The following SCAMP2 variants were observed in gnomAD, a reference collection of about 807,000 sequenced individuals.
The protein encoded by SCAMP2 is secretory carrier membrane protein 2.
SCAMP2 carries 25 observed loss-of-function variants against 44.1 expected under a neutral mutation model. The observed-to-expected ratio is 0.57, with a 90% CI of 0.41 to 0.79. The LOEUF is 0.79. SCAMP2 is among the 30% of genes least tolerant of loss of function. The pLI is 0.00. For missense variants in SCAMP2, 355 were observed against 411.0 expected (o/e 0.86, Z 1.18); for synonymous variants, 156 against 166.0 (o/e 0.94, Z 0.46).
chr15:74,845,876 G>T (rs2064396008), intron 7 of SCAMP2, among the ~76,000 whole-genome samples: 1 of 152,250 alleles, frequency 6.6e-6, no homozygotes, highest in African/African-American at 2.4e-5. Flanking sequence ...AGTAGCACCG[G>T]GCTGGGTGCT....
Position 74,873,242 on chromosome 15 carries a change from T to A in SCAMP2, c.14A>T (p.Asp5Val). 6.8e-7 allele frequency: 1 copy of A among 1,468,894 alleles called. No homozygotes were observed. The highest frequency in any genetic ancestry group is 1.5e-5 in the African/African-American group (1 of 67,160). 91.0% of individuals were successfully genotyped at this position (1,468,894 alleles called of 1,614,324 possible). ...CACTGGGTCCGCGAAGGGGTTGGTGTCGAAAGCCGACATGGTGATCGGGGG... is the reference window on the plus strand; with the variant it reads ...CACTGGGTCCGCGAAGGGGTTGGTGACGAAAGCCGACATGGTGATCGGGGG... MSAF[D>V]TNPFADPVDV... is the part of the protein sequence containing the mutation. Residue 5 changes from aspartate to valine, a missense_variant, in exon 1 of 9, where the codon GAC becomes GTC. Asp to Val is a radical substitution (Grantham distance 152). Coordinates refer to ENST00000268099, the MANE Select transcript of SCAMP2 (RefSeq NM_005697.5).
At chr15:74,869,333 T>C (rs1267898971) in intron 1 of SCAMP2, among the ~76,000 whole-genome samples, 1 of 151,204 alleles carries the variant, frequency 6.6e-6, no homozygotes, top group Non-Finnish European at 1.5e-5. Flanking sequence ...TAATAAAAAA[T>C]AAAAAAATTA....
intron 1 of SCAMP2, among the ~76,000 whole-genome samples, chr15:74,855,716 CAAAA>C (rs10609131): frequency 4.8e-5 from 4 of 84,100 alleles, no homozygotes; most frequent in Admixed American, 1.3e-4. Context: ...AACTCCATCT[CAAAA>C]AAAAAAAAAA....
Position 74,854,539 on chromosome 15 carries a change from C to T in SCAMP2, c.126+42G>A, listed in dbSNP as rs766872308. 1.6e-5 allele frequency: 24 copies of T among 1,530,864 alleles called. 2 individuals carry two copies. Among genetic ancestry groups the T allele is most frequent in the Middle Eastern group, 1.7e-4 (1 of 5,976 alleles). 94.8% of individuals were successfully genotyped at this position (1,530,864 alleles called of 1,614,324 possible). ...CTGCCCCGGACACCCCAGCACCACCCTAGAGGGCCATGGGACTTGGAAAGA... is the reference window on the plus strand; with the variant it reads ...CTGCCCCGGACACCCCAGCACCACCTTAGAGGGCCATGGGACTTGGAAAGA... On this transcript the variant is annotated intron_variant, in intron 2 of 8. Coordinates refer to ENST00000268099, the MANE Select transcript of SCAMP2 (RefSeq NM_005697.5).
intron 1 of SCAMP2, among the ~76,000 whole-genome samples, chr15:74,862,394 T>C (rs2064512893): frequency 6.7e-6 from 1 of 150,256 alleles, no homozygotes; most frequent in Non-Finnish European, 1.5e-5. Context: ...CTGGCCAACA[T>C]GGTGAAACCT....
chr15:74,854,974 GTTT>G (rs1205211475), intron 1 of SCAMP2, among the ~76,000 whole-genome samples: 1 of 138,142 alleles, frequency 7.2e-6, no homozygotes, highest in Non-Finnish European at 1.6e-5. Context: ...TAGGGAGTGG[GTTT>G]TTTTTTTTTT....
chr15:74,854,438 C>T, intron 2 of SCAMP2, 143 bp downstream of exon 2: 3 of 778,766 alleles, frequency 3.9e-6, no homozygotes, highest in South Asian at 3.0e-5. Context: ...CTTACCCTGC[C>T]TCCCGGGTTC....
intron 7 of SCAMP2, 148 bp from the exon 8 acceptor site, chr15:74,845,741 C>T: frequency 1.0e-6 from 1 of 995,816 alleles, no homozygotes. Context: ...GCCAGAAGCC[C>T]TTGGCCTGTG....
intron 6 of SCAMP2, 43 bp from the exon 7 acceptor site, chr15:74,848,744 G>A (rs1371271167): frequency 7.1e-7 from 1 of 1,403,354 alleles, no homozygotes; most frequent in Admixed American, 1.8e-5. Flanking sequence ...GGCTTGGGCT[G>A]TGTTCCTCAG....
At chr15:74,858,687 T>C (rs773604540) in intron 1 of SCAMP2, among the ~76,000 whole-genome samples, 5 of 151,742 alleles carry the variant, frequency 3.3e-5, no homozygotes, top group Non-Finnish European at 7.4e-5. Flanking sequence ...GTACGGAGCC[T>C]GACAAATTGA....
Position 74,845,491 on chromosome 15 carries a change from TGA to T in SCAMP2, c.835_836del (p.Val280LeufsTer141). 2 of 1,614,126 alleles carry T rather than the reference TGA, an allele frequency of 1.2e-6. No homozygotes were observed. The highest frequency in any genetic ancestry group is 1.7e-6 in the Non-Finnish European group (2 of 1,180,022). On this transcript the variant is annotated frameshift_variant, in exon 8 of 9. Transcript: ENST00000268099. LOFTEE classifies it high-confidence loss of function. Reference sequence around the variant, plus strand: ...CACTCACCCGCTGCAGGAGGAAGACTGAGAGCACGGCACAGAGGGTGAAGAAG... The same window carrying T: ...CACTCACCCGCTGCAGGAGGAAGACTGAGCACGGCACAGAGGGTGAAGAAG... The part of the protein sequence containing the change: ...AGFFTLCAVL[S>X]VFLLQRVHSL...
In SCAMP2 at chr15:74,850,624, G is replaced by A. The variant is rs770164367; in HGVS notation, c.522C>T (p.Phe174=). 16 of 1,614,022 alleles carry A rather than the reference G, an allele frequency of 9.9e-6. No individual in the cohort carries two copies. The South Asian group carries it at 1.5e-4, about 16-fold the overall frequency. ...FLNLLACLAW[F]SGNSSKGVDF... is the part of the protein sequence containing the mutation. ...CCACTCCCTTGGAGCTGTTGCCCGA[G>A]AACCAGGCCAGGCAGGCAAGCAGGT... Residue 174 remains phenylalanine, a synonymous_variant, in exon 6 of 9, where the codon TTC becomes TTT. Transcript: ENST00000268099.
Position 74,848,028 on chromosome 15 carries a change from C to G in SCAMP2, c.734+572G>C, listed in dbSNP as rs915706840. On this transcript the variant is annotated intron_variant, in intron 7 of 8. Transcript: ENST00000268099. ...GCCTAAAGAGTCAAGCCAAGTTCAC[C>G]CACAATACCCTGGAAAGTGGAGAGC... is the stretch of plus-strand genomic sequence containing the variant. Among the ~76,000 whole-genome samples the G allele has an allele frequency of 3.3e-5, 5 of 151,846 alleles. 1 individual carries two copies.
At position 74,854,644 on chromosome 15, in the gene SCAMP2, G is replaced by T; in HGVS notation, c.63C>A (p.Pro21=). 1 of 1,608,664 alleles carries T rather than the reference G, an allele frequency of 6.2e-7. No individual in the cohort carries two copies. The highest frequency in any genetic ancestry group is 1.7e-4 in the Middle Eastern group (1 of 6,052). The change falls in exon 2 of 9, where the codon CCC becomes CCA. Residue 21 remains proline, a synonymous_variant. Transcript: ENST00000268099. ...DPVDVNPFQD[P]SVTQLTNAPQ... is the part of the protein sequence containing the mutation. ...GGGCGTTGGTCAGCTGGGTCACAGA[G>T]GGATCCTGAGAAGGTGAAAAAAAGC...
intron 1 of SCAMP2, among the ~76,000 whole-genome samples, 184 bp from the exon 2 acceptor site, chr15:74,854,833 C>T (rs964340708): frequency 6.6e-6 from 1 of 152,126 alleles, no homozygotes; most frequent in African/African-American, 2.4e-5. Context: ...CTTCTCCCTT[C>T]CCCCTTCCTG....
intron 7 of SCAMP2, among the ~76,000 whole-genome samples, chr15:74,846,141 G>A (rs533019096): frequency 5.3e-5 from 8 of 152,266 alleles, no homozygotes; most frequent in South Asian, 2.1e-4. Context: ...AATTAGCTGC[G>A]CGTGGTTGCA....
Position 74,864,169 on chromosome 15 carries a change from C to T in SCAMP2, c.57+9030G>A, listed in dbSNP as rs148198480. On this transcript the variant is annotated intron_variant, in intron 1 of 8. Transcript: ENST00000268099. Reference sequence around the variant, plus strand: ...ATCCGCTTCCCAGGTTCAAGTGATTCTCCTGCCTCAGCCTCCTGAGTAGCT... The same window carrying T: ...ATCCGCTTCCCAGGTTCAAGTGATTTTCCTGCCTCAGCCTCCTGAGTAGCT... 1.6e-3 allele frequency among the ~76,000 whole-genome samples: 244 copies of T among 152,306 alleles called. 3 individuals carry two copies. The highest frequency in any genetic ancestry group is 0.014 in the East Asian group (71 of 5,190).
At chr15:74,846,959 A>C (rs2064403488) in intron 7 of SCAMP2, among the ~76,000 whole-genome samples, 1 of 152,138 alleles carries the variant, frequency 6.6e-6, no homozygotes, top group Non-Finnish European at 1.5e-5. Context: ...CTTGACATCA[A>C]AACTTACTAC....
chr15:74,862,365 T>G (rs1271579183), intron 1 of SCAMP2, among the ~76,000 whole-genome samples: 1 of 149,746 alleles, frequency 6.7e-6, no homozygotes, highest in Non-Finnish European at 1.5e-5. Flanking sequence ...TCACTTGAGA[T>G]CAGGAGTTCA....
Sources: allele counts gnomAD v4.1 joint callset (sites outside exome capture counted in the v4.1 genomes callset), GRCh38; gene constraint gnomAD v4.1.1; transcripts MANE v1.5; gene names NCBI Gene and HGNC (gene_info 2026-07-23, HGNC 2026-07-21).